Variants in NEMF observed in about 807,000 individuals in gnomAD.
NEMF encodes nuclear export mediator factor.
In NEMF, 89 loss-of-function variants were observed where a neutral mutation model predicts 162.2. That is an observed-to-expected ratio of 0.55 (90% CI 0.46 to 0.65). The LOEUF (loss-of-function observed/expected upper bound fraction) is 0.65, where lower values mean the gene tolerates loss of function less well. NEMF is among the 30% of genes least tolerant of loss of function. NEMF has a pLI of 0.00. For missense variants in NEMF, 1,133 were observed against 1,261.9 expected, an observed-to-expected ratio of 0.90 and a Z score of 1.55; for synonymous variants, 421 against 404.5, an observed-to-expected ratio of 1.04 and a Z score of -0.49.
Position 49,806,118 on chromosome 14 carries a change from G to C in NEMF, c.1760C>G (p.Pro587Arg), listed in dbSNP as rs1232321523. Residue 587 changes from proline to arginine, a missense_variant, in exon 19 of 33, where the codon CCA (proline) becomes CGA (arginine). By Grantham distance (103) the Pro-to-Arg change is moderately radical. This residue lies in a region of NEMF where 532 missense variants were observed against 578.6 expected (regional missense o/e 0.92). Coordinates refer to ENST00000298310, the MANE Select transcript of NEMF (RefSeq NM_004713.6). The part of the protein sequence containing the change: ...IKNPTGEPIP[P>R]RTLTEAGTMA... ...TGTGCCAGCTTCAGTCAAGGTCCGTGGGGGGATGGGTTCTCCTAGAATAAC... is the reference window on the plus strand; with the variant it reads ...TGTGCCAGCTTCAGTCAAGGTCCGTCGGGGGATGGGTTCTCCTAGAATAAC... 6.2e-7 allele frequency: 1 copy of C among 1,610,634 alleles called. No individual in the cohort carries two copies. Among genetic ancestry groups the C allele is most frequent in the South Asian group, 1.1e-5 (1 of 90,932 alleles).
At chr14:49,794,079 A>G (rs559175882) in intron 26 of NEMF, among the ~76,000 whole-genome samples, 6 of 152,298 alleles carry the variant, frequency 3.9e-5, no homozygotes. Flanking sequence ...AAAATGCTAA[A>G]TATCAGGTAG....
chr14:49,789,646 GGTGTTACTTTA>G, intron 26 of NEMF, 73 bp from the exon 27 acceptor site: 1 of 1,556,610 alleles, frequency 6.4e-7, no homozygotes, highest in South Asian at 1.2e-5. Flanking sequence ...GCAAAGAAAT[GGTGTTACTTTA>G]TATTCTCTGT....
At chr14:49,840,259 C>A (rs1893130925) in intron 5 of NEMF, among the ~76,000 whole-genome samples, 1 of 152,234 alleles carries the variant, frequency 6.6e-6, no homozygotes, top group Admixed American at 6.5e-5. Context: ...GTCAAGAGAT[C>A]AAGACCAGCA....
intron 28 of NEMF, among the ~76,000 whole-genome samples, chr14:49,788,196 T>A (rs1011176956): frequency 1.4e-5 from 2 of 145,112 alleles, no homozygotes; most frequent in Non-Finnish European, 3.0e-5. Context: ...GGATAATTGC[T>A]TGAATCCGGG....
At chr14:49,795,074 C>T (rs1023036871) in intron 26 of NEMF, among the ~76,000 whole-genome samples, 3 of 151,964 alleles carry the variant, frequency 2.0e-5, no homozygotes. Context: ...GCTAACACAC[C>T]TCTAGTTACA....
rs1890197337 is a variant in NEMF at position 49,786,738 on chromosome 14, G to C, written c.2908C>G (p.Leu970Val). 12 of 1,613,204 alleles carry C rather than the reference G, an allele frequency of 7.4e-6. 1 individual carries two copies. The South Asian group carries it at 1.3e-4, about 18-fold the overall frequency. ...DPHDDKEEQDLDQQGNEENLF... is the reference protein window; with the variant it reads ...DPHDDKEEQDVDQQGNEENLF... ...CATACCTCATTTCCCTGTTGATCCA[G>C]ATCTTGCTCTTCCTGTTCCGAACAT... Residue 970 changes from leucine to valine, a missense_variant, in exon 29 of 33, where the codon CTG (leucine) becomes GTG (valine). Coordinates refer to ENST00000298310, the MANE Select transcript of NEMF (RefSeq NM_004713.6).
At chr14:49,847,654 A>G (rs573421699) in intron 3 of NEMF, among the ~76,000 whole-genome samples, 66 of 151,682 alleles carry the variant, frequency 4.4e-4, no homozygotes, top group Non-Finnish European at 8.1e-4. Context: ...CTTATGGCTT[A>G]TGGTATCCTG....
rs1298421865 is a variant in NEMF, at chr14:49,782,757, T to C, written c.*1879A>G. 29 of 1,522,876 alleles carry C rather than the reference T, an allele frequency of 1.9e-5. No individual in the cohort carries two copies. Among genetic ancestry groups the C allele is most frequent in the Admixed American group, 3.8e-5 (2 of 52,056 alleles). 94.3% of individuals were successfully genotyped at this position (1,522,876 alleles called of 1,614,324 possible). Reference sequence around the variant, plus strand: ...TGAAGAAAGAAAGAGGGATGTTTTATGTAGTTTTTCAAGTGAATGTACTTC... The same window carrying C: ...TGAAGAAAGAAAGAGGGATGTTTTACGTAGTTTTTCAAGTGAATGTACTTC... On this transcript the variant is annotated 3_prime_UTR_variant, in exon 33 of 33. Coordinates refer to ENST00000298310, the MANE Select transcript of NEMF (RefSeq NM_004713.6).
intron 25 of NEMF, chr14:49,796,234 T>C (rs1200328008): frequency 4.0e-6 from 2 of 504,238 alleles, no homozygotes; most frequent in East Asian, 1.1e-4. Flanking sequence ...CCTGATCACC[T>C]TGATGGCCAG....
intron 26 of NEMF, among the ~76,000 whole-genome samples, chr14:49,794,779 C>T (rs1468835142): frequency 2.1e-5 from 3 of 144,760 alleles, no homozygotes; most frequent in Non-Finnish European, 3.0e-5. Context: ...GGTGCAGTGG[C>T]GTGATCTTGG....
At chr14:49,793,118 A>G (rs528197659) in intron 26 of NEMF, among the ~76,000 whole-genome samples, 1 of 152,244 alleles carries the variant, frequency 6.6e-6, no homozygotes, top group Non-Finnish European at 1.5e-5. Flanking sequence ...AAAATCTTAG[A>G]AACAGTTCCT....
intron 26 of NEMF, among the ~76,000 whole-genome samples, chr14:49,794,366 T>C (rs1890588628): frequency 1.3e-5 from 2 of 152,186 alleles, no homozygotes; most frequent in African/African-American, 2.4e-5. Flanking sequence ...CCCTTCCTTA[T>C]GCACATGTCA....
chr14:49,814,245 G>A (rs375369581), intron 17 of NEMF, among the ~76,000 whole-genome samples, 195 bp from the exon 18 acceptor site: 7 of 151,810 alleles, frequency 4.6e-5, no homozygotes, highest in Admixed American at 3.3e-4. Context: ...GATTACAGGC[G>A]TGCACCACCA....
In NEMF at chr14:49,783,833, T is replaced by C. The variant is rs1173195337; in HGVS notation, c.*803A>G. On this transcript the variant is annotated 3_prime_UTR_variant, in exon 33 of 33. Transcript: ENST00000298310. ...GCTGAGTCATGAGAATTATTACTTA[T>C]ATTTTACATTTTGGTCTAATATTTT... 1 of 152,194 alleles carries C rather than the reference T, an allele frequency of 6.6e-6. No individual in the cohort carries two copies. The highest frequency in any genetic ancestry group is 2.4e-5 in the African/African-American group (1 of 41,448). The allele number at this position is 152,194 out of a possible 1,614,324, so 9.4% of individuals were successfully genotyped here.
rs557550776 is a variant in NEMF at position 49,805,926 on chromosome 14, T to C, written c.1857+95A>G. 720 of 663,560 alleles carry C rather than the reference T, an allele frequency of 1.1e-3. 1 individual carries two copies. Among genetic ancestry groups the C allele is most frequent in the Non-Finnish European group, 1.0e-3 (397 of 394,898 alleles). 41.1% of individuals were successfully genotyped at this position (663,560 alleles called of 1,614,324 possible). A position where few individuals can be genotyped will look rare whatever the true frequency, so the allele number is the denominator to read the frequency against. On this transcript the variant is annotated intron_variant, in intron 19 of 32. Coordinates refer to ENST00000298310, the MANE Select transcript of NEMF (RefSeq NM_004713.6). ...CCTCTACCAAAAAGAGTTAGCTCTA[T>C]TGAGCCTTGTCTGCTTTATTTACTT...
intron 28 of NEMF, among the ~76,000 whole-genome samples, chr14:49,788,915 T>G (rs1220392116): frequency 2.0e-5 from 3 of 152,184 alleles, no homozygotes; most frequent in African/African-American, 7.2e-5. Flanking sequence ...TAAAACTGAT[T>G]ACTTCCTAAA....
intron 18 of NEMF, among the ~76,000 whole-genome samples, chr14:49,810,330 G>T (rs1168135305): frequency 6.6e-6 from 1 of 151,988 alleles, no homozygotes; most frequent in African/African-American, 2.4e-5. Context: ...TCACACCACT[G>T]CACTCCAGCC....
At chr14:49,799,331 A>G (rs1024254266) in intron 25 of NEMF, 144 bp downstream of exon 25, 2 of 672,194 alleles carry the variant, frequency 3.0e-6, no homozygotes, top group Admixed American at 3.5e-5. Flanking sequence ...AGAGCTTAAT[A>G]TTAAAAACTA....
At chr14:49,843,634 C>G (rs1311932593) in intron 4 of NEMF, among the ~76,000 whole-genome samples, 1 of 152,214 alleles carries the variant, frequency 6.6e-6, no homozygotes, top group Non-Finnish European at 1.5e-5. Context: ...CAAACCTAGA[C>G]GGTGTAGCCT....
Sources: allele counts gnomAD v4.1 joint callset (sites outside exome capture counted in the v4.1 genomes callset), GRCh38; gene constraint gnomAD v4.1.1; regional missense constraint gnomAD v4.1.1; transcripts MANE v1.5; gene names NCBI Gene and HGNC (gene_info 2026-07-23, HGNC 2026-07-21).